The following LRRC9 variants were observed in gnomAD, a reference collection of about 807,000 sequenced individuals.
LRRC9 encodes leucine rich repeat containing 9.
LRRC9 carries 122 observed loss-of-function variants against 63.2 expected under a neutral mutation model. That is an observed-to-expected ratio of 1.93 (90% CI 1.67 to 2.24). The LOEUF is 2.24. LRRC9 is among the 30% of genes most tolerant of loss of function. The pLI, the probability that LRRC9 is intolerant of heterozygous loss-of-function variation, is 0.00. For synonymous variants in LRRC9, 366 were observed against 213.1 expected, an observed-to-expected ratio of 1.72 and a Z score of -6.25; for missense variants, 1,071 against 627.7, an observed-to-expected ratio of 1.71 and a Z score of -7.55.
intron 23 of LRRC9, among the ~76,000 whole-genome samples, chr14:60,009,533 C>T (rs1890088793): frequency 6.6e-6 from 1 of 152,202 alleles, no homozygotes; most frequent in Non-Finnish European, 1.5e-5. Flanking sequence ...TATTACAATT[C>T]AAGGTGAGAT....
At position 60,005,976 on chromosome 14, in the gene LRRC9, G is replaced by A. The variant is rs149743704; in HGVS notation, c.2843-421G>A. Among the ~76,000 whole-genome samples the A allele has an allele frequency of 4.9e-3, 753 of 152,160 alleles. 14 individuals carry two copies. The highest frequency in any genetic ancestry group is 0.017 in the African/African-American group (712 of 41,532). ...CTAGATTGTTCATTTTAATACAAAC[G>A]ATGCACTTTCCAGAATGTGGTTCCT... is the stretch of plus-strand genomic sequence containing the variant. On this transcript the variant is annotated intron_variant, in intron 21 of 31. Transcript: ENST00000445360.
At chr14:60,024,037 G>C (rs567438426) in intron 27 of LRRC9, among the ~76,000 whole-genome samples, 1 of 152,150 alleles carries the variant, frequency 6.6e-6, no homozygotes, top group East Asian at 1.9e-4. Flanking sequence ...TCTTTATCCA[G>C]TCTAACATGG....
chr14:60,062,936 G>C (rs1472582362), intron 31 of LRRC9, among the ~76,000 whole-genome samples: 1 of 150,648 alleles, frequency 6.6e-6, no homozygotes, highest in Non-Finnish European at 1.5e-5. Context: ...TTGTTGCCCA[G>C]GTTAGAGTAC....
At chr14:60,026,919 A>G (rs72718046) in intron 27 of LRRC9, among the ~76,000 whole-genome samples, 2,162 of 152,132 alleles carry the variant, frequency 0.014, 29 homozygotes, top group Non-Finnish European at 0.02. Context: ...TGCTCATCCC[A>G]ATGACCTCAT....
At chr14:60,054,149 A>G (rs564102330) in intron 30 of LRRC9, 3 of 235,534 alleles carry the variant, frequency 1.3e-5, no homozygotes, top group South Asian at 5.2e-5. Flanking sequence ...TGAACTCACC[A>G]GATTAATTCC....
intron 16 of LRRC9, 57 bp downstream of exon 16, chr14:59,982,117 T>C (rs1886995517): frequency 3.0e-6 from 2 of 659,940 alleles, no homozygotes; most frequent in Admixed American, 4.9e-5. Context: ...GGAATCAGAA[T>C]CTAGCATATG....
At chr14:60,008,244 G>A in intron 23 of LRRC9, 30 bp downstream of exon 23, 2 of 688,410 alleles carry the variant, frequency 2.9e-6, no homozygotes, top group East Asian at 2.7e-5. Flanking sequence ...ACAACATTTG[G>A]TCTAAGCTGC....
chr14:59,992,484 G>A lies in LRRC9; in HGVS notation c.2212-5172G>A, dbSNP rs376785441. Among the ~76,000 whole-genome samples the A allele has an allele frequency of 3.0e-3, 460 of 152,312 alleles. 3 individuals carry two copies. The highest frequency in any genetic ancestry group is 0.011 in the African/African-American group (438 of 41,560). On this transcript the variant is annotated intron_variant, in intron 17 of 31. Transcript: ENST00000445360. ...GGAGAATGACTTTGATGAGTTGAGA[G>A]AAGGCTTCAGACGATCAAACTACTC...
intron 10 of LRRC9, among the ~76,000 whole-genome samples, chr14:59,961,334 T>C (rs1000599525): frequency 8.5e-5 from 13 of 152,146 alleles, no homozygotes; most frequent in African/African-American, 3.1e-4. Context: ...AGAATATAAT[T>C]TAGAAAAAAA....
At chr14:60,029,290 C>A (rs1891803130) in intron 28 of LRRC9, among the ~76,000 whole-genome samples, 1 of 152,058 alleles carries the variant, frequency 6.6e-6, no homozygotes, top group East Asian at 1.9e-4. Context: ...ATGCCTAGTG[C>A]CTTCTCAGGC....
chr14:59,988,325 G>C (rs1887694183), intron 17 of LRRC9, among the ~76,000 whole-genome samples: 1 of 152,124 alleles, frequency 6.6e-6, no homozygotes, highest in African/African-American at 2.4e-5. Flanking sequence ...CTTGTTGGAA[G>C]GGATATGAAT....
intron 16 of LRRC9, among the ~76,000 whole-genome samples, chr14:59,982,636 C>T (rs1489316786): frequency 1.3e-5 from 2 of 152,120 alleles, no homozygotes; most frequent in Non-Finnish European, 2.9e-5. Flanking sequence ...GAGTAAGTTT[C>T]CAACACATGA....
chr14:59,998,639 T>C (rs934659219), intron 18 of LRRC9, among the ~76,000 whole-genome samples: 20 of 152,070 alleles, frequency 1.3e-4, no homozygotes, highest in African/African-American at 4.6e-4. Context: ...TTTATATTAT[T>C]GTATTTCTTC....
intron 15 of LRRC9, 26 bp from the exon 16 acceptor site, chr14:59,981,822 T>C: frequency 1.5e-6 from 1 of 669,512 alleles, no homozygotes; most frequent in South Asian, 1.6e-5. Flanking sequence ...CAACTGATTT[T>C]GCAATGTTTT....
chr14:60,057,972 G>T, exon 31 of LRRC9: 1 of 676,458 alleles, frequency 1.5e-6, no homozygotes, highest in South Asian at 1.6e-5. Flanking sequence ...CTGCCTAGTG[G>T]ATTCAGCCAT....
chr14:59,994,104 A>G (rs1473440800), intron 17 of LRRC9, among the ~76,000 whole-genome samples: 1 of 152,202 alleles, frequency 6.6e-6, no homozygotes, highest in Non-Finnish European at 1.5e-5. Flanking sequence ...AGAAATTATA[A>G]CAAACTGTCT....
At chr14:60,007,933 A>G (rs1456974264) in intron 22 of LRRC9, among the ~76,000 whole-genome samples, 159 bp from the exon 23 acceptor site, 3 of 77,088 alleles carry the variant, frequency 3.9e-5, no homozygotes, top group African/African-American at 1.5e-4. Context: ...GCACGAGACC[A>G]TGTCTTTAAA....
At chr14:60,066,169 A>C (rs949342264), downstream of LRRC9, among the ~76,000 whole-genome samples, 2 of 151,676 alleles carry the variant, frequency 1.3e-5, no homozygotes, top group African/African-American at 4.9e-5. Flanking sequence ...TTGACACAAA[A>C]TTAACTGATT....
chr14:59,929,972 T>C (rs1419413464), intron 3 of LRRC9, among the ~76,000 whole-genome samples: 2 of 151,914 alleles, frequency 1.3e-5, no homozygotes, highest in Non-Finnish European at 2.9e-5. Flanking sequence ...ATGGGTACTA[T>C]GCTTAATACG....
Sources: allele counts gnomAD v4.1 joint callset (sites outside exome capture counted in the v4.1 genomes callset), GRCh38; gene constraint gnomAD v4.1.1; transcripts MANE v1.5; gene names NCBI Gene and HGNC (gene_info 2026-07-23, HGNC 2026-07-21).